The following CPEB1 variants were observed in gnomAD, a reference collection of about 807,000 sequenced individuals.
CPEB1 encodes the protein cytoplasmic polyadenylation element-binding protein 1.
A neutral mutation model predicts 65.8 loss-of-function variants in CPEB1; 7 were observed. The observed-to-expected ratio is 0.11, with a 90% CI of 0.06 to 0.20. The LOEUF is 0.20. CPEB1 is among the 10% of genes least tolerant of loss of function. CPEB1 has a pLI of 1.00. For missense variants in CPEB1, 551 were observed against 712.2 expected (o/e 0.77, Z 2.58); for synonymous variants, 262 against 260.0 (o/e 1.01, Z -0.08).
chr15:82,571,951 T>C (rs779739697), intron 3 of CPEB1: 132 of 737,290 alleles, frequency 1.8e-4, no homozygotes, highest in Non-Finnish European at 1.8e-4. Flanking sequence ...CCCGGTGCAG[T>C]GCCGTTAAGT....
rs2047646916 is a variant in CPEB1 at position 82,647,239 on chromosome 15, C to G, written c.-200G>C. ...CAGCCCCGCCCCCGAGACTCCCTCT[C>G]CGGCGCCAAGCGAAGGTGTGAAGCC... On this transcript the variant is annotated 5_prime_UTR_variant, in exon 1 of 13. Transcript: ENST00000684509. 6.6e-6 allele frequency: 1 copy of G among 152,236 alleles called. No homozygotes were observed. The highest frequency in any genetic ancestry group is 6.5e-5 in the Admixed American group (1 of 15,282). The allele number at this position is 152,236 out of a possible 1,614,324, so 9.4% of individuals were successfully genotyped here. A position where few individuals can be genotyped will look rare whatever the true frequency, so the allele number is the denominator to read the frequency against.
At chr15:82,616,314 G>A (rs2044702216) in intron 3 of CPEB1, among the ~76,000 whole-genome samples, 1 of 152,026 alleles carries the variant, frequency 6.6e-6, no homozygotes, top group Admixed American at 6.6e-5. Flanking sequence ...GTAAAACGAT[G>A]TTTATGGACA....
chr15:82,584,903 C>CTTTTTTTTTTTTTTTTTTTTTTTTTTTTT (rs3080692), intron 3 of CPEB1, among the ~76,000 whole-genome samples: 4 of 81,742 alleles, frequency 4.9e-5, no homozygotes, highest in African/African-American at 1.2e-4. Context: ...TCCTAATTTG[C>CTTTTTTTTTTTTTTTTTTTTTTTTTTTTT]TTTTTTTTTT....
chr15:82,604,663 G>T (rs1415447345), intron 3 of CPEB1, among the ~76,000 whole-genome samples: 3 of 152,058 alleles, frequency 2.0e-5, no homozygotes, highest in African/African-American at 4.8e-5. Context: ...CACTACAGGG[G>T]CTCAACAGCA....
chr15:82,638,764 C>T (rs1414087581), intron 1 of CPEB1: 2 of 152,188 alleles, frequency 1.3e-5, no homozygotes, highest in Non-Finnish European at 2.9e-5. Context: ...TCTCATTTGT[C>T]ACACAGAATA....
rs1567159521 is a variant in CPEB1, at chr15:82,543,465, A to ATTTTT, written c.*1126_*1127insAAAAA. Reference sequence around the variant, plus strand: ...TGTGGGTTTTTTGTTTCTTTTTAAAAAAAAAAAAAAAAAAAAAAAGGAAAG... The same window carrying ATTTTT: ...TGTGGGTTTTTTGTTTCTTTTTAAAATTTTTAAAAAAAAAAAAAAAAAAAGGAAAG... On this transcript the variant is annotated 3_prime_UTR_variant, in exon 13 of 13. Transcript: ENST00000684509. The ATTTTT allele has an allele frequency of 1.4e-5, 2 of 143,964 alleles. No individual in the cohort carries two copies. Among genetic ancestry groups the ATTTTT allele is most frequent in the African/African-American group, 5.5e-5 (2 of 36,448 alleles). The allele number at this position is 143,964 out of a possible 1,614,324, so 8.9% of individuals were successfully genotyped here.
At chr15:82,620,094 G>A (rs756464217) in intron 3 of CPEB1, among the ~76,000 whole-genome samples, 1 of 152,180 alleles carries the variant, frequency 6.6e-6, no homozygotes, top group Non-Finnish European at 1.5e-5. Flanking sequence ...GTTGCAACAT[G>A]GATGAAACTC....
rs577000644 is a variant in CPEB1, at chr15:82,562,905, GA to G, written c.461-4920del. Among the ~76,000 whole-genome samples the G allele has an allele frequency of 6.8e-3, 1,019 of 150,944 alleles. 9 individuals are homozygous for G. The highest frequency in any genetic ancestry group is 0.023 in the African/African-American group (936 of 41,208). On this transcript the variant is annotated intron_variant, in intron 4 of 12. Transcript: ENST00000684509. ...ACACTAAAATGGTAAATACTTAAGA[GA>G]AAAAAAAGGCATCAGATAAAGAAAT... is the stretch of plus-strand genomic sequence containing the variant.
intron 3 of CPEB1, chr15:82,573,181 A>G: frequency 6.5e-7 from 1 of 1,531,136 alleles, no homozygotes; most frequent in Non-Finnish European, 8.7e-7. Context: ...CTGTGTCCAC[A>G]GGCACTCAGG....
In CPEB1 at chr15:82,560,721, C is replaced by T. The variant is rs796217975; in HGVS notation, c.461-2735G>A. Among the ~76,000 whole-genome samples the T allele has an allele frequency of 5.3e-5, 8 of 151,590 alleles. 1 individual carries two copies. The highest frequency in any genetic ancestry group is 1.9e-4 in the African/African-American group (8 of 41,268). On this transcript the variant is annotated intron_variant, in intron 4 of 12. Transcript: ENST00000684509. Reference sequence around the variant, plus strand: ...TTTTATCTTAAGGGTAACTGAGAGACACGGAAAAGGAGATCTGCAGAGCTG... The same window carrying T: ...TTTTATCTTAAGGGTAACTGAGAGATACGGAAAAGGAGATCTGCAGAGCTG...
At chr15:82,587,688 A>C (rs1004607061) in intron 3 of CPEB1, among the ~76,000 whole-genome samples, 1 of 152,230 alleles carries the variant, frequency 6.6e-6, no homozygotes, top group Non-Finnish European at 1.5e-5. Context: ...TAATTTTAAG[A>C]AATTAAAATC....
chr15:82,615,459 C>T (rs2044622483), intron 3 of CPEB1, among the ~76,000 whole-genome samples: 1 of 152,154 alleles, frequency 6.6e-6, no homozygotes, highest in Non-Finnish European at 1.5e-5. Flanking sequence ...ATTCATTGCA[C>T]AACTTCATCT....
At chr15:82,616,436 T>G (rs961180316) in intron 3 of CPEB1, among the ~76,000 whole-genome samples, 13 of 152,224 alleles carry the variant, frequency 8.5e-5, no homozygotes, top group African/African-American at 3.1e-4. Flanking sequence ...TTTTATTTGA[T>G]GTTTATATTG....
chr15:82,628,112 G>T (rs2045925779), intron 2 of CPEB1: 1 of 676,032 alleles, frequency 1.5e-6, no homozygotes, highest in African/African-American at 1.8e-5. Context: ...TAGAGAGAAG[G>T]TCATGAAAGT....
chr15:82,635,257 G>A (rs867030212), intron 1 of CPEB1, among the ~76,000 whole-genome samples: 48 of 152,158 alleles, frequency 3.2e-4, no homozygotes, highest in African/African-American at 1.1e-3. Context: ...GCCCTTATAT[G>A]AACACTCATT....
intron 3 of CPEB1, among the ~76,000 whole-genome samples, chr15:82,598,786 AAAAC>A (rs1160855004): frequency 6.6e-6 from 1 of 152,162 alleles, no homozygotes. Context: ...CTCCATCTGA[AAAAC>A]AAAAACAAAC....
At chr15:82,620,253 T>A (rs1270677145) in intron 3 of CPEB1, among the ~76,000 whole-genome samples, 1 of 151,882 alleles carries the variant, frequency 6.6e-6, no homozygotes, top group Admixed American at 6.6e-5. Flanking sequence ...GTCTCTACTA[T>A]GTCTCTACTA....
chr15:82,571,387 G>A lies in CPEB1; in HGVS notation c.417C>T (p.Ser139=). Residue 139 remains serine, a synonymous_variant, in exon 4 of 13, where the codon AGC becomes AGT. Coordinates refer to ENST00000684509, the MANE Select transcript of CPEB1 (RefSeq NM_001365242.1). ...GGGCTGAGGAATCTGAGTCCTGGGT[G>A]CTCCAGGGTCGGTCCCAGCCTGTCA... ...LSLTGWDRPW[S]TQDSDSSAQS... 3 of 1,614,116 alleles carry A rather than the reference G, an allele frequency of 1.9e-6. No homozygotes were observed. The highest frequency in any genetic ancestry group is 2.5e-6 in the Non-Finnish European group (3 of 1,180,002).
rs568119088 is a variant in CPEB1, at chr15:82,571,669, G to A, written c.272-137C>T. The A allele has an allele frequency of 2.6e-3, 3,696 of 1,445,254 alleles. 8 individuals are homozygous for A. The highest frequency in any genetic ancestry group is 3.0e-3 in the Non-Finnish European group (3,340 of 1,104,222). The allele number at this position is 1,445,254 out of a possible 1,614,324, so 89.5% of individuals were successfully genotyped here. A position where few individuals can be genotyped will look rare whatever the true frequency, so the allele number is the denominator to read the frequency against. On this transcript the variant is annotated intron_variant, in intron 3 of 12. Transcript: ENST00000684509. ...TCCAAGCTGGCTGGATGCTGCAGCC[G>A]CTGCCTCTGCACTTTTGGGGACGCT... is the stretch of plus-strand genomic sequence containing the variant.
Sources: allele counts gnomAD v4.1 joint callset (sites outside exome capture counted in the v4.1 genomes callset), GRCh38; gene constraint gnomAD v4.1.1; transcripts MANE v1.5; gene names NCBI Gene and HGNC (gene_info 2026-07-23, HGNC 2026-07-21).